The following LIN28B variants were observed in gnomAD, a reference collection of about 807,000 sequenced individuals.
The protein encoded by LIN28B is lin-28 RNA binding posttranscriptional regulator B.
In LIN28B, 5 loss-of-function variants were observed where a neutral mutation model predicts 21.9. The observed-to-expected ratio is 0.23, with a 90% CI of 0.12 to 0.48. The LOEUF (loss-of-function observed/expected upper bound fraction) is 0.48. LIN28B is among the 20% of genes least tolerant of loss of function. The probability of loss-of-function intolerance (pLI) is 0.98; values close to 1 mark genes in which losing one functional copy is unlikely to be tolerated. For missense variants in LIN28B, 245 were observed against 310.5 expected, an observed-to-expected ratio of 0.79 and a Z score of 1.58; for synonymous variants, 109 against 111.3, an observed-to-expected ratio of 0.98 and a Z score of 0.13.
intron 2 of LIN28B, among the ~76,000 whole-genome samples, chr6:105,023,318 A>AAT (rs1771181725): frequency 2.5e-5 from 1 of 40,282 alleles, no homozygotes; most frequent in African/African-American, 1.0e-4. Context: ...ATTATATTAT[A>AAT]TATAATATAT....
chr6:105,028,762 C>A (rs1404666300), intron 3 of LIN28B, among the ~76,000 whole-genome samples: 2 of 152,050 alleles, frequency 1.3e-5, no homozygotes, highest in East Asian at 3.9e-4. Flanking sequence ...ATATGGAGTT[C>A]CAGCACTGGA....
At chr6:105,031,937 C>T (rs1276252139) in intron 3 of LIN28B, among the ~76,000 whole-genome samples, 1 of 152,146 alleles carries the variant, frequency 6.6e-6, no homozygotes, top group African/African-American at 2.4e-5. Context: ...ATGGTTACCC[C>T]TTCCCCACCT....
At chr6:104,942,223 C>T (rs556800409) in intron 2 of LIN28B, among the ~76,000 whole-genome samples, 47 of 152,284 alleles carry the variant, frequency 3.1e-4, no homozygotes, top group Non-Finnish European at 5.3e-4. Flanking sequence ...GTGAAAATTA[C>T]ACCTGACAAC....
At chr6:104,959,826 G>A (rs528692652) in intron 2 of LIN28B, among the ~76,000 whole-genome samples, 251 of 151,798 alleles carry the variant, frequency 1.7e-3, no homozygotes, top group Non-Finnish European at 2.5e-3. Flanking sequence ...TGTTTTTTAT[G>A]ATCTCATAAA....
chr6:104,993,905 T>C (rs888945605), intron 2 of LIN28B, among the ~76,000 whole-genome samples: 4 of 149,842 alleles, frequency 2.7e-5, no homozygotes, highest in African/African-American at 9.9e-5. Flanking sequence ...CCAAAAGCAA[T>C]AAACCAATCA....
chr6:105,070,678 T>A (rs1772316567), intron 3 of LIN28B, among the ~76,000 whole-genome samples: 1 of 142,912 alleles, frequency 7.0e-6, no homozygotes, highest in South Asian at 2.2e-4. Context: ...TGCTAGAGAG[T>A]CTGAGGTAGA....
intron 2 of LIN28B, among the ~76,000 whole-genome samples, chr6:105,010,770 A>G (rs985467378): frequency 1.3e-5 from 2 of 152,236 alleles, no homozygotes; most frequent in Non-Finnish European, 2.9e-5. Flanking sequence ...TTCAATAACT[A>G]TGACACATGT....
upstream of LIN28B, among the ~76,000 whole-genome samples, chr6:104,952,774 ATTTTAC>A (rs1778234638): frequency 6.6e-6 from 1 of 152,194 alleles, no homozygotes; most frequent in Admixed American, 6.5e-5. Context: ...TATTTCCATA[ATTTTAC>A]TTTATTATTC....
chr6:105,044,708 TATTTTC>T (rs938316236), intron 3 of LIN28B, among the ~76,000 whole-genome samples: 3 of 152,208 alleles, frequency 2.0e-5, no homozygotes, highest in Non-Finnish European at 4.4e-5. Flanking sequence ...GTTTAAAAAA[TATTTTC>T]ATTTCAATAG....
intron 2 of LIN28B, among the ~76,000 whole-genome samples, chr6:104,961,535 G>C (rs1769739402): frequency 6.6e-6 from 1 of 151,924 alleles, no homozygotes; most frequent in African/African-American, 2.4e-5. Flanking sequence ...TGAGTAGCTG[G>C]GATTACAGGT....
At chr6:105,047,616 C>A (rs1284138286) in intron 3 of LIN28B, among the ~76,000 whole-genome samples, 1 of 152,112 alleles carries the variant, frequency 6.6e-6, no homozygotes, top group East Asian at 1.9e-4. Flanking sequence ...GGCAGTATGG[C>A]CATTTTCACG....
intron 2 of LIN28B, among the ~76,000 whole-genome samples, chr6:105,000,385 C>CT (rs919247963): frequency 6.6e-5 from 10 of 151,968 alleles, no homozygotes; most frequent in Admixed American, 4.6e-4. Context: ...TTGTTTTTTA[C>CT]TTTCTGTTTT....
chr6:105,018,668 CTG>C (rs773961802), intron 2 of LIN28B, among the ~76,000 whole-genome samples: 1 of 152,052 alleles, frequency 6.6e-6, no homozygotes, highest in Non-Finnish European at 1.5e-5. Flanking sequence ...AATTCATCCT[CTG>C]TATTTCTCAT....
chr6:104,984,114 A>C (rs1394148245), intron 2 of LIN28B, among the ~76,000 whole-genome samples: 1 of 152,208 alleles, frequency 6.6e-6, no homozygotes, highest in Admixed American at 6.5e-5. Context: ...CACACCTTTT[A>C]TTCTACAAGT....
At chr6:105,077,233 T>C in intron 3 of LIN28B, among the ~76,000 whole-genome samples, 1 of 152,026 alleles carries the variant, frequency 6.6e-6, no homozygotes, top group Admixed American at 6.6e-5. Flanking sequence ...TCAAAAAATA[T>C]ATATATATAA....
At chr6:104,966,738 C>T (rs1364016682) in intron 2 of LIN28B, among the ~76,000 whole-genome samples, 2 of 151,662 alleles carry the variant, frequency 1.3e-5, no homozygotes, top group Non-Finnish European at 2.9e-5. Context: ...TCTCCTGCCT[C>T]AGCCTCCAGA....
intron 2 of LIN28B, among the ~76,000 whole-genome samples, chr6:104,972,679 CTAAA>C (rs747384836): frequency 2.0e-5 from 3 of 151,968 alleles, no homozygotes; most frequent in Non-Finnish European, 4.4e-5. Flanking sequence ...AAAATTAATA[CTAAA>C]TAAATAAATT....
intron 2 of LIN28B, among the ~76,000 whole-genome samples, chr6:105,002,728 A>G (rs1333136024): frequency 1.3e-5 from 2 of 152,236 alleles, no homozygotes; most frequent in Admixed American, 6.5e-5. Context: ...AAGTGTAAGT[A>G]TATTGAAGAG....
intron 2 of LIN28B, among the ~76,000 whole-genome samples, chr6:104,970,329 C>A (rs1769948205): frequency 6.6e-6 from 1 of 152,078 alleles, no homozygotes; most frequent in African/African-American, 2.4e-5. Flanking sequence ...ATAGCTAATA[C>A]CAAGCTTTTG....
Sources: gnomAD v4.1 joint callset for allele counts (sites outside exome capture counted in the v4.1 genomes callset) on GRCh38, gnomAD v4.1.1 for gene constraint, MANE v1.5 for transcripts, NCBI Gene and HGNC (gene_info 2026-07-23, HGNC 2026-07-21) for gene names.